DYNC2H1: variants seen among roughly 807,000 people sequenced by gnomAD.
The protein encoded by DYNC2H1 is cytoplasmic dynein 2 heavy chain 1.
A neutral mutation model predicts 570.0 loss-of-function variants in DYNC2H1; 410 were observed. The ratio of observed to expected loss-of-function variants is 0.72; its 90% CI spans 0.66 to 0.78. The LOEUF (loss-of-function observed/expected upper bound fraction) is 0.78, where lower values mean the gene tolerates loss of function less well. Ranked by LOEUF, DYNC2H1 falls within the 30% of genes least tolerant of loss-of-function variation. The pLI, the probability that DYNC2H1 is intolerant of heterozygous loss-of-function variation, is 0.00. For missense variants in DYNC2H1, 4,865 were observed against 5,046.4 expected, an observed-to-expected ratio of 0.96 and a Z score of 1.09; for synonymous variants, 1,688 against 1,677.6, an observed-to-expected ratio of 1.01 and a Z score of -0.15.
chr11:103,182,135 A>G (rs927260249), intron 40 of DYNC2H1, among the ~76,000 whole-genome samples: 18 of 151,570 alleles, frequency 1.2e-4, no homozygotes, highest in Non-Finnish European at 2.2e-4. Context: ...TTACCTAACA[A>G]TCTTGATTAC....
intron 70 of DYNC2H1, among the ~76,000 whole-genome samples, chr11:103,262,612 G>A (rs904712965): frequency 6.6e-6 from 1 of 152,114 alleles, no homozygotes; most frequent in Non-Finnish European, 1.5e-5. Context: ...AGCTTCATAA[G>A]TGAAGGAGAA....
At chr11:103,415,952 A>G (rs1298254789) in intron 84 of DYNC2H1, among the ~76,000 whole-genome samples, 1 of 152,220 alleles carries the variant, frequency 6.6e-6, no homozygotes, top group African/African-American at 2.4e-5. Context: ...CATATACACC[A>G]TGGAATACTA....
At chr11:103,276,453 G>A (rs1865909568) in intron 70 of DYNC2H1, among the ~76,000 whole-genome samples, 1 of 151,822 alleles carries the variant, frequency 6.6e-6, no homozygotes, top group Non-Finnish European at 1.5e-5. Context: ...GTTAAAACTT[G>A]GTAGGAAGGT....
intron 84 of DYNC2H1, among the ~76,000 whole-genome samples, chr11:103,413,297 T>G (rs374321194): frequency 2.0e-5 from 3 of 152,354 alleles, no homozygotes; most frequent in Middle Eastern, 3.4e-3. Flanking sequence ...AGGAAAGTTC[T>G]ACTCCAACTA....
At position 103,249,052 on chromosome 11, in the gene DYNC2H1, GA is replaced by G. The variant is rs1258401946; in HGVS notation, c.10042+3684del. On this transcript the variant is annotated intron_variant, in intron 65 of 88. Coordinates refer to ENST00000375735, the MANE Select transcript of DYNC2H1 (RefSeq NM_001377.3). This position sits in a 1 kb window ranked among gnomAD's most constrained non-coding sequence, Gnocchi z 4.6. ...TACAACACAGATTCTGTGTTCAGAGGAAAAAAGTAGTCAAAATTAACTGCAT... is the reference window on the plus strand; with the variant it reads ...TACAACACAGATTCTGTGTTCAGAGGAAAAAGTAGTCAAAATTAACTGCAT... Among the ~76,000 whole-genome samples, 1 of 151,734 alleles carries G rather than the reference GA, an allele frequency of 6.6e-6. No homozygotes were observed. Among genetic ancestry groups the G allele is most frequent in the Non-Finnish European group, 1.5e-5 (1 of 67,856 alleles).
rs1448512395 is a variant in DYNC2H1, at chr11:103,446,571, A to G, written c.12457-8615A>G. On this transcript the variant is annotated intron_variant, in intron 85 of 88. Coordinates refer to ENST00000375735, the MANE Select transcript of DYNC2H1 (RefSeq NM_001377.3). This position sits in a 1 kb window ranked among gnomAD's most constrained non-coding sequence, Gnocchi z 4.5. ...AAAGAATAAGGGGTGAAGTTGAGAC[A>G]GCAAATATAGACAGTTTTTTCAGGG... is the stretch of plus-strand genomic sequence containing the variant. Among the ~76,000 whole-genome samples the G allele has an allele frequency of 1.3e-5, 2 of 152,198 alleles. No individual in the cohort carries two copies. The highest frequency in any genetic ancestry group is 4.8e-5 in the African/African-American group (2 of 41,448).
At position 103,294,016 on chromosome 11, in the gene DYNC2H1, T is replaced by G. The variant is rs1039074234; in HGVS notation, c.11095+6411T>G. On this transcript the variant is annotated intron_variant, in intron 75 of 88. Transcript: ENST00000375735. The stretch of plus-strand genomic sequence containing the variant: ...TGCTTGAATCTGGGAGAGGCAGAGG[T>G]TGCACTGAGCCGAGATTACACCACT... Among the ~76,000 whole-genome samples, 4 of 152,096 alleles carry G rather than the reference T, an allele frequency of 2.6e-5. No individual in the cohort carries two copies. The East Asian group carries it at 5.8e-4, about 22-fold the overall frequency.
intron 73 of DYNC2H1, among the ~76,000 whole-genome samples, chr11:103,283,858 A>T (rs762299125): frequency 9.2e-5 from 14 of 151,988 alleles, no homozygotes; most frequent in Non-Finnish European, 2.1e-4. Flanking sequence ...AGGGGGGGGA[A>T]TTCTGCTATA....
chr11:103,361,591 C>T (rs1940643765), intron 83 of DYNC2H1, among the ~76,000 whole-genome samples: 1 of 152,070 alleles, frequency 6.6e-6, no homozygotes, highest in Admixed American at 6.6e-5. Flanking sequence ...TTGAAGAAAG[C>T]TGTTGTGTAG....
intron 45 of DYNC2H1, among the ~76,000 whole-genome samples, chr11:103,190,019 A>G (rs978608418): frequency 6.6e-6 from 1 of 152,154 alleles, no homozygotes; most frequent in African/African-American, 2.4e-5. Flanking sequence ...TAGGCACTCG[A>G]TATTTGTTGA....
At chr11:103,347,925 C>A (rs903986527) in intron 82 of DYNC2H1, among the ~76,000 whole-genome samples, 1 of 152,022 alleles carries the variant, frequency 6.6e-6, no homozygotes, top group African/African-American at 2.4e-5. Flanking sequence ...TTTCTTTGCT[C>A]TCTTGAAAGG....
intron 1 of DYNC2H1, among the ~76,000 whole-genome samples, chr11:103,110,672 A>C (rs991980135): frequency 2.0e-5 from 3 of 152,184 alleles, no homozygotes; most frequent in Non-Finnish European, 2.9e-5. Flanking sequence ...AGAAAAACAC[A>C]GAAGAAAATT....
chr11:103,344,111 G>A (rs1939618622), intron 82 of DYNC2H1, among the ~76,000 whole-genome samples: 1 of 152,130 alleles, frequency 6.6e-6, no homozygotes, highest in Admixed American at 6.5e-5. Context: ...GGTGCATCTT[G>A]TCAGTACCCT....
At chr11:103,381,507 T>A (rs1941645111) in intron 83 of DYNC2H1, among the ~76,000 whole-genome samples, 1 of 152,244 alleles carries the variant, frequency 6.6e-6, no homozygotes, top group Non-Finnish European at 1.5e-5. Flanking sequence ...TGGAGTACAG[T>A]GGCGCGATCT....
chr11:103,127,917 A>G (rs1383865544), intron 12 of DYNC2H1, among the ~76,000 whole-genome samples: 1 of 152,242 alleles, frequency 6.6e-6, no homozygotes, highest in Non-Finnish European at 1.5e-5. Context: ...AGAATAAAAC[A>G]GAATAAAGAT....
rs1944203163 is a variant in DYNC2H1 at position 103,439,851 on chromosome 11, G to T, written c.12456+3819G>T. 6.6e-6 allele frequency among the ~76,000 whole-genome samples: 1 copy of T among 152,096 alleles called. No individual in the cohort carries two copies. The highest frequency in any genetic ancestry group is 2.1e-4 in the South Asian group (1 of 4,828). ...CAGATTACTCTCTTTGGGGAACTTA[G>T]AATTATTTCCCTGGCTTCAAATTTT... On this transcript the variant is annotated intron_variant, in intron 85 of 88. Transcript: ENST00000375735. The surrounding 1 kb of genome is among the most constrained non-coding windows in gnomAD (Gnocchi z 4.1).
chr11:103,374,710 G>T, intron 83 of DYNC2H1, among the ~76,000 whole-genome samples: 1 of 152,254 alleles, frequency 6.6e-6, no homozygotes, highest in Admixed American at 6.5e-5. Context: ...TTTTGACCCT[G>T]CCCTAGAGAA....
rs916581393 is a variant in DYNC2H1, at chr11:103,129,670, C to T, written c.1953+665C>T. On this transcript the variant is annotated intron_variant, in intron 13 of 88. Coordinates refer to ENST00000375735, the MANE Select transcript of DYNC2H1 (RefSeq NM_001377.3). The surrounding 1 kb of genome is among the most constrained non-coding windows in gnomAD (Gnocchi z 4.1). ...CTGCACTCTAGCCTGGGAGACAGAG[C>T]GACTCCATCTCAAAAAAAAAGAAAA... 6.0e-5 allele frequency among the ~76,000 whole-genome samples: 9 copies of T among 150,858 alleles called. No individual in the cohort carries two copies. The highest frequency in any genetic ancestry group is 3.3e-4 in the Admixed American group (5 of 15,120).
chr11:103,296,228 A>G lies in DYNC2H1; in HGVS notation c.11096-6865A>G, dbSNP rs1048155028. Among the ~76,000 whole-genome samples, 7 of 152,224 alleles carry G rather than the reference A, an allele frequency of 4.6e-5. 1 individual carries two copies. In the South Asian group the frequency reaches 8.3e-4, roughly 18 times the overall value. ...ATTTTCTTGCATGGATAGTTGTTCA[A>G]TTTGATGTTCCTGAAGGGGACAATT... is the stretch of plus-strand genomic sequence containing the variant. On this transcript the variant is annotated intron_variant, in intron 75 of 88. Coordinates refer to ENST00000375735, the MANE Select transcript of DYNC2H1 (RefSeq NM_001377.3).
Sources: gnomAD v4.1 joint callset for allele counts (sites outside exome capture counted in the v4.1 genomes callset) on GRCh38, gnomAD v4.1.1 for gene constraint, Gnocchi (gnomAD v3.1) non-coding constraint, MANE v1.5 for transcripts, NCBI Gene and HGNC (gene_info 2026-07-23, HGNC 2026-07-21) for gene names.